The following COL25A1 variants were observed in gnomAD, a reference collection of about 807,000 sequenced individuals.
COL25A1 encodes the protein collagen type XXV alpha 1 chain.
COL25A1 carries 103 observed loss-of-function variants against 128.4 expected under a neutral mutation model. The observed-to-expected ratio is 0.80, with a 90% confidence interval of 0.68 to 0.94. COL25A1 has a LOEUF of 0.94. COL25A1 is among the 40% of genes least tolerant of loss of function. The pLI is 0.00. For synonymous variants in COL25A1, 279 were observed against 277.2 expected, an observed-to-expected ratio of 1.01 and a Z score of -0.06; for missense variants, 745 against 840.0, an observed-to-expected ratio of 0.89 and a Z score of 1.40.
intron 3 of COL25A1, among the ~76,000 whole-genome samples, chr4:109,222,166 T>C (rs1357000873): frequency 7.1e-6 from 1 of 141,280 alleles, no homozygotes; most frequent in African/African-American, 2.7e-5. Flanking sequence ...CCAGTTCAAG[T>C]GATTCTCCTG....
At chr4:109,208,242 A>G (rs943242900) in intron 3 of COL25A1, among the ~76,000 whole-genome samples, 2 of 152,188 alleles carry the variant, frequency 1.3e-5, no homozygotes, top group Non-Finnish European at 2.9e-5. Context: ...AGTTCCATCT[A>G]CGAGGTAGCT....
At chr4:109,007,002 T>C (rs887199140) in intron 6 of COL25A1, among the ~76,000 whole-genome samples, 2 of 152,200 alleles carry the variant, frequency 1.3e-5, no homozygotes, top group African/African-American at 4.8e-5. Flanking sequence ...TAAACCACCA[T>C]GACACACGTT....
chr4:109,212,520 T>C (rs1283543038), intron 3 of COL25A1, among the ~76,000 whole-genome samples: 1 of 152,116 alleles, frequency 6.6e-6, no homozygotes, highest in African/African-American at 2.4e-5. Flanking sequence ...TGCCACACTT[T>C]ATTGGTTAAG....
intron 3 of COL25A1, among the ~76,000 whole-genome samples, chr4:109,055,385 T>G (rs1368384925): frequency 6.6e-6 from 1 of 152,050 alleles, no homozygotes; most frequent in Non-Finnish European, 1.5e-5. Flanking sequence ...CTAAAACAAG[T>G]TTATAAATGA....
At chr4:108,908,828 T>A (rs1429807464) in intron 13 of COL25A1, among the ~76,000 whole-genome samples, 1 of 152,200 alleles carries the variant, frequency 6.6e-6, no homozygotes, top group Admixed American at 6.5e-5. Context: ...TTGGAAGTAC[T>A]GATTGGTTGG....
intron 3 of COL25A1, among the ~76,000 whole-genome samples, chr4:109,096,872 G>T (rs984471341): frequency 5.9e-5 from 9 of 152,164 alleles, no homozygotes; most frequent in African/African-American, 2.2e-4. Flanking sequence ...GACAAATTTA[G>T]TTATAGATTT....
intron 32 of COL25A1, among the ~76,000 whole-genome samples, chr4:108,831,689 A>G (rs865913998): frequency 0.02 from 449 of 22,302 alleles, 1 homozygote; most frequent in African/African-American, 0.041. Context: ...AGAGAGGGGG[A>G]GAGAGAGAGA....
At chr4:109,032,624 C>T (rs777435042) in intron 5 of COL25A1, among the ~76,000 whole-genome samples, 3 of 152,148 alleles carry the variant, frequency 2.0e-5, no homozygotes, top group African/African-American at 4.8e-5. Flanking sequence ...ATGCAATTAG[C>T]GATGCTGAGA....
chr4:108,985,007 G>T (rs1381094311), intron 6 of COL25A1, among the ~76,000 whole-genome samples: 1 of 152,232 alleles, frequency 6.6e-6, no homozygotes, highest in Admixed American at 6.5e-5. Context: ...GAGATACTCA[G>T]AAGGAATTAA....
intron 8 of COL25A1, among the ~76,000 whole-genome samples, chr4:108,962,195 C>CTT (rs113330555): frequency 1.9e-4 from 15 of 77,618 alleles, no homozygotes; most frequent in African/African-American, 5.4e-4. Context: ...CTTTTTTTTT[C>CTT]TTTTTTTTTT....
chr4:109,148,210 T>C (rs1771138705), intron 3 of COL25A1, among the ~76,000 whole-genome samples: 1 of 152,188 alleles, frequency 6.6e-6, no homozygotes, highest in South Asian at 2.1e-4. Flanking sequence ...TCATAGCATC[T>C]AGAACTTTGG....
intron 3 of COL25A1, among the ~76,000 whole-genome samples, chr4:109,119,827 G>A (rs1361075560): frequency 6.6e-6 from 1 of 151,968 alleles, no homozygotes. Context: ...AAAGTCATCA[G>A]AAGAAAAGAA....
At chr4:109,176,869 G>A (rs1774154668) in intron 3 of COL25A1, among the ~76,000 whole-genome samples, 1 of 152,118 alleles carries the variant, frequency 6.6e-6, no homozygotes, top group Non-Finnish European at 1.5e-5. Flanking sequence ...GGATCACCTG[G>A]AGCTACAAGA....
At chr4:108,822,444 T>G (rs1208818914) in intron 35 of COL25A1, among the ~76,000 whole-genome samples, 2 of 151,826 alleles carry the variant, frequency 1.3e-5, no homozygotes, top group Admixed American at 1.3e-4. Flanking sequence ...AGAGATAGAG[T>G]CTTGTTCTGT....
intron 3 of COL25A1, among the ~76,000 whole-genome samples, chr4:109,225,970 A>G (rs1343331895): frequency 6.6e-6 from 1 of 150,464 alleles, no homozygotes; most frequent in Non-Finnish European, 1.5e-5. Context: ...GTAATGAAAT[A>G]CAATAGTATT....
At chr4:109,292,199 C>G (rs1724537751) in intron 3 of COL25A1, among the ~76,000 whole-genome samples, 1 of 151,998 alleles carries the variant, frequency 6.6e-6, no homozygotes, top group Non-Finnish European at 1.5e-5. Flanking sequence ...GCTCTAGTCT[C>G]TGAGGTCAAT....
At chr4:108,886,488 G>GTTTTTTTTTTTTTT (rs1413657808) in intron 18 of COL25A1, among the ~76,000 whole-genome samples, 4 of 49,426 alleles carry the variant, frequency 8.1e-5, no homozygotes, top group African/African-American at 2.6e-4. Context: ...GTGTGTGTGT[G>GTTTTTTTTTTTTTT]TGTGTTTAGC....
intron 3 of COL25A1, among the ~76,000 whole-genome samples, chr4:109,217,736 T>C (rs1778104995): frequency 6.6e-6 from 1 of 152,196 alleles, no homozygotes; most frequent in Non-Finnish European, 1.5e-5. Context: ...ATTTTGCATA[T>C]AAACTACACA....
At chr4:109,057,890 T>C (rs1402255344) in intron 3 of COL25A1, among the ~76,000 whole-genome samples, 2 of 152,126 alleles carry the variant, frequency 1.3e-5, no homozygotes, top group Non-Finnish European at 2.9e-5. Flanking sequence ...AAAAAACTGA[T>C]CACATTCATG....
Sources: gnomAD v4.1 joint callset for allele counts (sites outside exome capture counted in the v4.1 genomes callset) on GRCh38, gnomAD v4.1.1 for gene constraint, MANE v1.5 for transcripts, NCBI Gene and HGNC (gene_info 2026-07-23, HGNC 2026-07-21) for gene names.